The following UNC13A variants were observed in gnomAD, a reference collection of about 807,000 sequenced individuals.
UNC13A encodes the protein protein unc-13 homolog A.
UNC13A carries 61 observed loss-of-function variants against 219.7 expected under a neutral mutation model. The ratio of observed to expected loss-of-function variants is 0.28; its 90% CI spans 0.23 to 0.34. UNC13A has a LOEUF of 0.34. Ranked by LOEUF, UNC13A falls within the 10% of genes least tolerant of loss-of-function variation. The pLI is 1.00. For synonymous variants in UNC13A, 920 were observed against 884.6 expected (o/e 1.04, Z -0.71); for missense variants, 1,476 against 2,270.3 (o/e 0.65, Z 7.11).
Position 17,605,331 on chromosome 19 carries a change from T to A in UNC13A, c.*723A>T, listed in dbSNP as rs903319316. The A allele has an allele frequency of 1.3e-5, 2 of 152,602 alleles. No homozygotes were observed. The highest frequency in any genetic ancestry group is 4.8e-5 in the African/African-American group (2 of 41,418). The allele number at this position is 152,602 out of a possible 1,614,324, so 9.5% of individuals were successfully genotyped here. On this transcript the variant is annotated 3_prime_UTR_variant, in exon 44 of 44. Coordinates refer to ENST00000519716, the MANE Select transcript of UNC13A (RefSeq NM_001080421.3). ...AATGGGTGTGTTGAACTCTATGATA[T>A]GAGGACTGGGTTTGTTGGGGGAGAG...
chr19:17,666,559 G>A, intron 7 of UNC13A, 91 bp downstream of exon 7: 1 of 1,000,592 alleles, frequency 1.0e-6, no homozygotes, highest in Non-Finnish European at 1.4e-6. Context: ...TGTATCTCCG[G>A]ACTGGAGGAG....
At chr19:17,633,967 A>G (rs747007405) in intron 26 of UNC13A, among the ~76,000 whole-genome samples, 3 of 148,898 alleles carry the variant, frequency 2.0e-5, no homozygotes, top group Non-Finnish European at 4.5e-5. Flanking sequence ...CTATCCATCT[A>G]TCTATTCATC....
At chr19:17,684,975 A>G (rs2080082591) in intron 1 of UNC13A, among the ~76,000 whole-genome samples, 1 of 152,186 alleles carries the variant, frequency 6.6e-6, no homozygotes, top group Admixed American at 6.5e-5. Flanking sequence ...ATCTGCATAC[A>G]TGTATGCACT....
At chr19:17,652,196 A>G (rs996097440) in intron 12 of UNC13A, among the ~76,000 whole-genome samples, 1 of 151,964 alleles carries the variant, frequency 6.6e-6, no homozygotes, top group Non-Finnish European at 1.5e-5. Context: ...CAGTGGTGCA[A>G]TCTCAGCTCA....
At chr19:17,677,902 G>A (rs2079929654) in intron 1 of UNC13A, among the ~76,000 whole-genome samples, 1 of 152,134 alleles carries the variant, frequency 6.6e-6, no homozygotes, top group Non-Finnish European at 1.5e-5. Flanking sequence ...CGTTCGTTTT[G>A]CTTGATTTCC....
At chr19:17,638,866 A>G (rs1421019991) in intron 25 of UNC13A, among the ~76,000 whole-genome samples, 1 of 152,118 alleles carries the variant, frequency 6.6e-6, no homozygotes, top group African/African-American at 2.4e-5. Context: ...AAACTCAACT[A>G]CGCAACCAAA....
At chr19:17,688,023 G>T (rs899254665) in intron 1 of UNC13A, among the ~76,000 whole-genome samples, 155 bp downstream of exon 1, 7 of 149,292 alleles carry the variant, frequency 4.7e-5, no homozygotes, top group African/African-American at 1.7e-4. Context: ...ACCCCCTCCG[G>T]GGCCCAGCTG....
chr19:17,646,753 G>C (rs1018020657), intron 17 of UNC13A, among the ~76,000 whole-genome samples: 5 of 152,090 alleles, frequency 3.3e-5, no homozygotes, highest in Non-Finnish European at 5.9e-5. Context: ...CACATAACCT[G>C]AAATCCTCAT....
At chr19:17,631,422 T>C (rs1212558252) in intron 28 of UNC13A, among the ~76,000 whole-genome samples, 1 of 151,594 alleles carries the variant, frequency 6.6e-6, no homozygotes, top group African/African-American at 2.4e-5. Flanking sequence ...AGACAGGATT[T>C]CCCTGTGTTG....
intron 1 of UNC13A, among the ~76,000 whole-genome samples, chr19:17,676,573 T>A (rs1335790602): frequency 6.6e-6 from 1 of 152,176 alleles, no homozygotes; most frequent in East Asian, 1.9e-4. Context: ...CAATCTCTGA[T>A]GACTCCACCA....
chr19:17,610,749 C>A (rs1421090529), intron 42 of UNC13A, among the ~76,000 whole-genome samples: 1 of 152,078 alleles, frequency 6.6e-6, no homozygotes, highest in Non-Finnish European at 1.5e-5. Context: ...ACATTTGGGT[C>A]CAGGTATGGT....
intron 8 of UNC13A, among the ~76,000 whole-genome samples, chr19:17,660,282 GTT>G (rs11285355): frequency 1.5e-4 from 22 of 148,280 alleles, no homozygotes; most frequent in African/African-American, 5.4e-4. Context: ...TGTTTACCCA[GTT>G]TTTTTTTTTC....
intron 43 of UNC13A, among the ~76,000 whole-genome samples, chr19:17,609,033 C>T (rs1227879178): frequency 6.7e-6 from 1 of 150,000 alleles, no homozygotes; most frequent in Non-Finnish European, 1.5e-5. Context: ...TCTTGGCTCA[C>T]TGCACCCTCC....
intron 4 of UNC13A, among the ~76,000 whole-genome samples, chr19:17,670,096 G>A (rs1397881625): frequency 2.0e-5 from 3 of 151,638 alleles, no homozygotes; most frequent in Non-Finnish European, 4.4e-5. Context: ...ACAGGCACCC[G>A]CCACCACGCC....
chr19:17,641,409 T>C lies in UNC13A; in HGVS notation c.2620A>G (p.Ile874Val), dbSNP rs764623676. The C allele has an allele frequency of 1.9e-6, 3 of 1,614,064 alleles. No individual in the cohort carries two copies. The highest frequency in any genetic ancestry group is 3.3e-5 in the Admixed American group (2 of 60,000). The change falls in exon 21 of 44, where the codon ATC becomes GTC. Residue 874 changes from isoleucine (I) to valine (V), a missense_variant. By Grantham distance (29) the Ile-to-Val change is conservative. Transcript: ENST00000519716. ...CAGTCTCACGTCATGGCTTGGTAGA[T>C]GGACTCGACGCCGTAGCGCATGGCA... ...EFAMRYGVES[I>V]YQAMTHFACL...
intron 28 of UNC13A, among the ~76,000 whole-genome samples, chr19:17,632,143 T>C (rs993726410): frequency 6.6e-6 from 1 of 152,202 alleles, no homozygotes; most frequent in African/African-American, 2.4e-5. Flanking sequence ...ACTCCTGACC[T>C]CTGGTGATCC....
At chr19:17,659,586 A>G (rs1430178132) in intron 8 of UNC13A, among the ~76,000 whole-genome samples, 1 of 152,164 alleles carries the variant, frequency 6.6e-6, no homozygotes, top group Non-Finnish European at 1.5e-5. Flanking sequence ...TGGGCAACAT[A>G]GTAAGGCCCC....
Position 17,627,680 on chromosome 19 carries a change from G to A in UNC13A, c.3832-83C>T. On this transcript the variant is annotated intron_variant, in intron 32 of 43. Coordinates refer to ENST00000519716, the MANE Select transcript of UNC13A (RefSeq NM_001080421.3). The surrounding 1 kb of genome is among the most constrained non-coding windows in gnomAD (Gnocchi z 4.7). ...ATTTTCTCATCTGACCCAGGGAAAGGGATCCCAAGGGGCTGCAGGGGAAAC... is the reference window on the plus strand; with the variant it reads ...ATTTTCTCATCTGACCCAGGGAAAGAGATCCCAAGGGGCTGCAGGGGAAAC... 2 of 1,314,284 alleles carry A rather than the reference G, an allele frequency of 1.5e-6. No homozygotes were observed. The highest frequency in any genetic ancestry group is 2.5e-5 in the East Asian group (1 of 39,892). 81.4% of individuals were successfully genotyped at this position (1,314,284 alleles called of 1,614,324 possible). A position where few individuals can be genotyped will look rare whatever the true frequency, so the allele number is the denominator to read the frequency against.
intron 7 of UNC13A, among the ~76,000 whole-genome samples, chr19:17,665,908 T>C (rs1373098946): frequency 6.6e-6 from 1 of 152,060 alleles, no homozygotes; most frequent in Non-Finnish European, 1.5e-5. Context: ...AGATGCGCTA[T>C]TTCAAAGAGA....
Sources: gnomAD v4.1 joint callset for allele counts (sites outside exome capture counted in the v4.1 genomes callset) on GRCh38, gnomAD v4.1.1 for gene constraint, Gnocchi (gnomAD v3.1) non-coding constraint, MANE v1.5 for transcripts, NCBI Gene and HGNC (gene_info 2026-07-23, HGNC 2026-07-21) for gene names.